Variants in GPC6 observed in about 807,000 individuals in gnomAD.
The protein encoded by GPC6 is glypican-6.
In GPC6, 14 loss-of-function variants were observed where a neutral mutation model predicts 55.2. The ratio of observed to expected loss-of-function variants is 0.25; its 90% confidence interval spans 0.17 to 0.40. GPC6 has a LOEUF of 0.40. GPC6 is among the 10% of genes least tolerant of loss of function. GPC6 has a pLI of 1.00. For synonymous variants in GPC6, 278 were observed against 259.6 expected (o/e 1.07, Z -0.68); for missense variants, 641 against 708.5 (o/e 0.90, Z 1.08).
chr13:93,365,588 A>G (rs1881217097), intron 1 of GPC6, among the ~76,000 whole-genome samples: 1 of 152,102 alleles, frequency 6.6e-6, no homozygotes, highest in Admixed American at 6.6e-5. Flanking sequence ...GAGTAGTGTC[A>G]CATTTGTTAA....
chr13:94,030,025 G>T (rs1883056621), intron 4 of GPC6, among the ~76,000 whole-genome samples: 1 of 147,036 alleles, frequency 6.8e-6, no homozygotes, highest in South Asian at 2.1e-4. Context: ...TTTTTTGAGA[G>T]GGAGTCTTGC....
At chr13:94,094,684 T>C (rs1264268500) in intron 4 of GPC6, among the ~76,000 whole-genome samples, 1 of 152,188 alleles carries the variant, frequency 6.6e-6, no homozygotes, top group Non-Finnish European at 1.5e-5. Flanking sequence ...ATTATTGGTT[T>C]AGTTTTTAAG....
intron 4 of GPC6, among the ~76,000 whole-genome samples, chr13:94,121,807 G>A (rs942438031): frequency 2.0e-5 from 3 of 152,040 alleles, no homozygotes; most frequent in African/African-American, 7.2e-5. Flanking sequence ...TCCAGGGTCT[G>A]TGGATTTCTA....
chr13:93,903,932 G>A (rs916465946), intron 3 of GPC6, among the ~76,000 whole-genome samples: 3 of 150,808 alleles, frequency 2.0e-5, no homozygotes, highest in African/African-American at 7.5e-5. Context: ...TCCCCCCAGC[G>A]AAATCACAAA....
At chr13:93,796,998 A>G (rs973946768) in intron 2 of GPC6, among the ~76,000 whole-genome samples, 1 of 152,266 alleles carries the variant, frequency 6.6e-6, no homozygotes, top group Non-Finnish European at 1.5e-5. Context: ...CTGAATTTCC[A>G]CAAGTCAACA....
chr13:94,271,975 T>A (rs1460573824), intron 4 of GPC6, among the ~76,000 whole-genome samples: 1 of 152,222 alleles, frequency 6.6e-6, no homozygotes, highest in East Asian at 1.9e-4. Flanking sequence ...TCCACCTTTT[T>A]CTTTGGGTCT....
intron 3 of GPC6, among the ~76,000 whole-genome samples, chr13:93,900,926 T>A (rs1212697731): frequency 1.3e-5 from 2 of 152,178 alleles, no homozygotes; most frequent in East Asian, 3.8e-4. Flanking sequence ...TATGACACAG[T>A]TGTTTTCTGT....
At chr13:93,574,037 A>G (rs1301647006) in intron 2 of GPC6, among the ~76,000 whole-genome samples, 3 of 152,112 alleles carry the variant, frequency 2.0e-5, no homozygotes, top group Non-Finnish European at 4.4e-5. Context: ...TTTTAATGGC[A>G]TATGTTCAAG....
intron 2 of GPC6, among the ~76,000 whole-genome samples, chr13:93,736,808 C>T (rs1019509810): frequency 5.3e-5 from 8 of 152,096 alleles, no homozygotes; most frequent in African/African-American, 1.9e-4. Context: ...ATGGAAGGTA[C>T]ATGCACTTCT....
intron 4 of GPC6, among the ~76,000 whole-genome samples, chr13:94,249,820 C>G (rs1891297289): frequency 6.6e-6 from 1 of 152,140 alleles, no homozygotes; most frequent in South Asian, 2.1e-4. Flanking sequence ...ATTTGAATCT[C>G]TTCTCTAAAC....
chr13:94,115,046 T>A (rs9584188), intron 4 of GPC6, among the ~76,000 whole-genome samples: 8,778 of 152,242 alleles, frequency 0.058, 862 homozygotes, highest in African/African-American at 0.2. Context: ...AAGAGCCAAC[T>A]AGTTTAAACT....
rs369215562 is a variant in GPC6, at chr13:94,308,789, A to G, written c.1152+2666A>G. On this transcript the variant is annotated intron_variant, in intron 6 of 8. Transcript: ENST00000377047. ...GAGAACAAGGCACTGTTTGCGCATC[A>G]AACGGAGCTATACCGAGGTTATTCC... Among the ~76,000 whole-genome samples, 11 of 152,250 alleles carry G rather than the reference A, an allele frequency of 7.2e-5. No individual in the cohort carries two copies. In the East Asian group the frequency reaches 2.1e-3, roughly 29 times the overall value.
At chr13:93,263,298 AGTCAT>A (rs1192941794) in intron 1 of GPC6, among the ~76,000 whole-genome samples, 1 of 152,064 alleles carries the variant, frequency 6.6e-6, no homozygotes, top group African/African-American at 2.4e-5. Context: ...TCCTTTTGCT[AGTCAT>A]GTGAAATTGC....
At chr13:94,047,776 T>C (rs1362678227) in intron 4 of GPC6, among the ~76,000 whole-genome samples, 4 of 152,096 alleles carry the variant, frequency 2.6e-5, no homozygotes, top group Non-Finnish European at 5.9e-5. Flanking sequence ...CACTACACAT[T>C]TATATAACGT....
chr13:93,333,531 A>ATTTTT (rs35057548), intron 1 of GPC6, among the ~76,000 whole-genome samples: 2 of 130,618 alleles, frequency 1.5e-5, no homozygotes, highest in African/African-American at 2.9e-5. Context: ...ATGCTATTGA[A>ATTTTT]TTTTTTTTTT....
chr13:93,889,586 T>C (rs1400307281), intron 3 of GPC6, among the ~76,000 whole-genome samples: 1 of 152,184 alleles, frequency 6.6e-6, no homozygotes, highest in East Asian at 1.9e-4. Context: ...TCACTAAGAT[T>C]ACACTGTTAC....
chr13:93,563,129 G>A (rs1261224650), intron 2 of GPC6, among the ~76,000 whole-genome samples: 2 of 152,080 alleles, frequency 1.3e-5, no homozygotes, highest in East Asian at 3.9e-4. Context: ...ACTAATAAGT[G>A]ATAAATGTTA....
chr13:93,663,514 A>G (rs1374800969), intron 2 of GPC6, among the ~76,000 whole-genome samples: 2 of 152,216 alleles, frequency 1.3e-5, no homozygotes, highest in Non-Finnish European at 2.9e-5. Flanking sequence ...GAGTAGATAT[A>G]TCTGCCTCTA....
intron 3 of GPC6, among the ~76,000 whole-genome samples, chr13:93,994,550 CCTT>C (rs1436235948): frequency 6.6e-6 from 1 of 152,052 alleles, no homozygotes; most frequent in East Asian, 1.9e-4. Context: ...ATTCTGTTTT[CCTT>C]CTTTCTTTAA....
Sources: gnomAD v4.1 joint callset for allele counts (sites outside exome capture counted in the v4.1 genomes callset) on GRCh38, gnomAD v4.1.1 for gene constraint, MANE v1.5 for transcripts, NCBI Gene and HGNC (gene_info 2026-07-23, HGNC 2026-07-21) for gene names.